The following OSBPL5 variants were observed in gnomAD, a reference collection of about 807,000 sequenced individuals.
OSBPL5 encodes the protein oxysterol-binding protein-related protein 5.
Under a neutral mutation model 111.2 loss-of-function variants are expected in OSBPL5, and 71 were observed. The observed-to-expected ratio is 0.64, with a 90% CI of 0.53 to 0.78. The LOEUF is 0.78. OSBPL5 is among the 30% of genes least tolerant of loss of function. The pLI is 0.00. For missense variants in OSBPL5, 1,210 were observed against 1,189.3 expected, an observed-to-expected ratio of 1.02 and a Z score of -0.26; for synonymous variants, 549 against 513.9, an observed-to-expected ratio of 1.07 and a Z score of -0.93.
intron 1 of OSBPL5, among the ~76,000 whole-genome samples, chr11:3,151,846 C>CACCTTCTCCTGCCTCCCTGGGGT (rs1846602213): frequency 6.6e-6 from 1 of 152,188 alleles, no homozygotes; most frequent in Non-Finnish European, 1.5e-5. Context: ...CTCCCTGGGG[C>CACCTTCTCCTGCCTCCCTGGGGT]GGGCTTTGCA....
At chr11:3,122,305 T>C (rs1858447527) in intron 4 of OSBPL5, 43 bp downstream of exon 4, 1 of 1,591,428 alleles carries the variant, frequency 6.3e-7, no homozygotes, top group Non-Finnish European at 8.6e-7. Flanking sequence ...TGGCCGTCGG[T>C]CTGACAGTGA....
At chr11:3,137,949 G>T (rs79232184) in intron 1 of OSBPL5, among the ~76,000 whole-genome samples, 1 of 152,230 alleles carries the variant, frequency 6.6e-6, no homozygotes, top group South Asian at 2.1e-4. Context: ...TGGAGCTGAG[G>T]GGGAGGCCAG....
chr11:3,094,116 G>T, intron 15 of OSBPL5, 121 bp downstream of exon 15: 1 of 950,700 alleles, frequency 1.1e-6, no homozygotes, highest in Non-Finnish European at 1.6e-6. Context: ...GTCAACAGCT[G>T]CTCCCCTTAT....
In OSBPL5 at chr11:3,146,713, G is replaced by C. The variant is rs1846360945; in HGVS notation, c.-21-17544C>G. The C allele has an allele frequency of 6.6e-6, 1 of 152,426 alleles. No individual in the cohort carries two copies. The highest frequency in any genetic ancestry group is 1.5e-5 in the Non-Finnish European group (1 of 68,242). 9.4% of individuals were successfully genotyped at this position (152,426 alleles called of 1,614,324 possible). A position where few individuals can be genotyped will look rare whatever the true frequency, so the allele number is the denominator to read the frequency against. On this transcript the variant is annotated intron_variant, in intron 1 of 21. Transcript: ENST00000263650. This position sits in a 1 kb window ranked among gnomAD's most constrained non-coding sequence, Gnocchi z 7.8. The stretch of plus-strand genomic sequence containing the variant: ...CAGGCTGCAGGCTTCTCTCTGGGGA[G>C]GGGGACAATCCTGGGGCCCCTCTGG...
At chr11:3,163,508 C>T (rs1847023731) in intron 1 of OSBPL5, among the ~76,000 whole-genome samples, 1 of 111,212 alleles carries the variant, frequency 9.0e-6, no homozygotes, top group Non-Finnish European at 1.7e-5. Context: ...ATAGTAAATA[C>T]AATCCTGGGT....
rs3741355 is a variant in OSBPL5 at position 3,107,150 on chromosome 11, T to C, written c.1059+113A>G. ...ACTGCCAAGTGATGGGGACAAAAGC[T>C]ACCCCCTGGGCCCTGCGTGCTCCCC... is the stretch of plus-strand genomic sequence containing the variant. On this transcript the variant is annotated intron_variant, in intron 9 of 21. Coordinates refer to ENST00000263650, the MANE Select transcript of OSBPL5 (RefSeq NM_020896.4). The surrounding 1 kb of genome is among the most constrained non-coding windows in gnomAD (Gnocchi z 6.1). The C allele has an allele frequency of 0.88, 1,061,544 of 1,199,594 alleles. 470,012 individuals carry two copies. Among genetic ancestry groups the C allele is most frequent in the Admixed American group, 0.93 (35,150 of 37,802 alleles). The allele number at this position is 1,199,594 out of a possible 1,614,324, so 74.3% of individuals were successfully genotyped here.
chr11:3,100,046 C>T, intron 14 of OSBPL5, 112 bp downstream of exon 14: 1 of 763,178 alleles, frequency 1.3e-6, no homozygotes. Flanking sequence ...AAGTCATGGG[C>T]AGATGAAGGC....
Position 3,102,246 on chromosome 11 carries a change from C to T in OSBPL5, c.1362G>A (p.Glu454=). Reference sequence around the variant, plus strand: ...GGTGGAACCAGCAGCAGCGGAAGGTCTCCCCCAGGATGGGGTTGTACGGCT... The same window carrying T: ...GGTGGAACCAGCAGCAGCGGAAGGTTTCCCCCAGGATGGGGTTGTACGGCT... ...IKKPYNPILG[E]TFRCCWFHPQ... The change falls in exon 12 of 22, where the codon GAG becomes GAA. Residue 454 remains glutamate (E), a synonymous_variant. Coordinates refer to ENST00000263650, the MANE Select transcript of OSBPL5 (RefSeq NM_020896.4). The T allele has an allele frequency of 6.2e-7, 1 of 1,608,234 alleles. No homozygotes were observed. Among genetic ancestry groups the T allele is most frequent in the East Asian group, 2.2e-5 (1 of 44,654 alleles).
chr11:3,103,819 C>CCGCCCCCTTCCAGCCTCT (rs1564830449), intron 10 of OSBPL5, among the ~76,000 whole-genome samples: 1 of 44,010 alleles, frequency 2.3e-5, no homozygotes, highest in African/African-American at 5.2e-5. Context: ...TTCCTGCCTG[C>CCGCCCCCTTCCAGCCTCT]GCAGCCCCCT....
chr11:3,132,081 C>T (rs1357847209), intron 1 of OSBPL5, among the ~76,000 whole-genome samples: 1 of 150,952 alleles, frequency 6.6e-6, no homozygotes, highest in African/African-American at 2.4e-5. Flanking sequence ...TCTATCCCTC[C>T]TTGAAGCTCT....
At chr11:3,152,608 G>C (rs1205243037) in intron 1 of OSBPL5, among the ~76,000 whole-genome samples, 1 of 152,216 alleles carries the variant, frequency 6.6e-6, no homozygotes, top group Non-Finnish European at 1.5e-5. Context: ...TGCGAGGCGC[G>C]ATGGGCTCGG....
At chr11:3,138,621 G>A (rs982464941) in intron 1 of OSBPL5, among the ~76,000 whole-genome samples, 9 of 152,208 alleles carry the variant, frequency 5.9e-5, no homozygotes, top group Admixed American at 3.9e-4. Context: ...CTCGCCTGCC[G>A]TGCTGTGGGG....
rs1274612321 is a variant in OSBPL5 at position 3,130,353 on chromosome 11, C to G, written c.-21-1184G>C. The stretch of plus-strand genomic sequence containing the variant: ...CTGCCTCAGGGCAGGCCAGTGGCAT[C>G]CTGCCAAGCCCGGGACAAAGGCCTC... On this transcript the variant is annotated intron_variant, in intron 1 of 21. Coordinates refer to ENST00000263650, the MANE Select transcript of OSBPL5 (RefSeq NM_020896.4). The surrounding 1 kb of genome is among the most constrained non-coding windows in gnomAD (Gnocchi z 4.5). Among the ~76,000 whole-genome samples, 1 of 152,260 alleles carries G rather than the reference C, an allele frequency of 6.6e-6. No homozygotes were observed. The highest frequency in any genetic ancestry group is 1.5e-5 in the Non-Finnish European group (1 of 68,050).
chr11:3,107,554 T>C lies in OSBPL5; in HGVS notation c.867-99A>G, dbSNP rs867603545. ...CTCGCTGCTCCGCACTTCACATACG[T>C]TCCTGCCTGTCGTCACCTCCACAAC... On this transcript the variant is annotated intron_variant, in intron 8 of 21. Transcript: ENST00000263650. This position sits in a 1 kb window ranked among gnomAD's most constrained non-coding sequence, Gnocchi z 6.1. The C allele has an allele frequency of 6.1e-5, 87 of 1,427,854 alleles. No individual in the cohort carries two copies. In the Middle Eastern group the frequency reaches 2.3e-3, roughly 38 times the overall value. 88.4% of individuals were successfully genotyped at this position (1,427,854 alleles called of 1,614,324 possible). A position where few individuals can be genotyped will look rare whatever the true frequency, so the allele number is the denominator to read the frequency against.
Position 3,120,499 on chromosome 11 carries a change from G to A in OSBPL5, c.528C>T (p.Leu176=), listed in dbSNP as rs1486760497. ...CGTCCTTCTTGGAGGGCCGCTCGAT[G>A]AGCTCGCAGCAGTGCAGCAGCACCG... ...VGTVLLHCCE[L]IERPSKKDGF... The change falls in exon 6 of 22, where the codon CTC becomes CTT. Residue 176 remains leucine (L), a synonymous_variant. Transcript: ENST00000263650. The A allele has an allele frequency of 1.2e-6, 2 of 1,613,252 alleles. No individual in the cohort carries two copies. Among genetic ancestry groups the A allele is most frequent in the Admixed American group, 3.3e-5 (2 of 60,012 alleles).
intron 1 of OSBPL5, among the ~76,000 whole-genome samples, chr11:3,155,886 G>C (rs1422431127): frequency 6.6e-6 from 1 of 152,256 alleles, no homozygotes; most frequent in Non-Finnish European, 1.5e-5. Flanking sequence ...GCTGTGAGCA[G>C]ACCTGCAGAA....
Position 3,094,553 on chromosome 11 carries a change from GCGGAGCCTGGGAGGCA to G in OSBPL5, c.1622-235_1622-220del, listed in dbSNP as rs748073089. ...GGTGGGGGTGCGGAGCCTGGGAGGT[GCGGAGCCTGGGAGGCA>G]CGGAGCCTGGGAGGCACGCCTGGTC... On this transcript the variant is annotated intron_variant, in intron 14 of 21. Transcript: ENST00000263650. The G allele has an allele frequency of 6.3e-3, 1,893 of 302,408 alleles. 4 individuals are homozygous for G. Among genetic ancestry groups the G allele is most frequent in the South Asian group, 0.016 (308 of 19,752 alleles). The allele number at this position is 302,408 out of a possible 1,614,324, so 18.7% of individuals were successfully genotyped here.
rs1858415127 is a variant in OSBPL5 at position 3,121,475 on chromosome 11, C to T, written c.402+522G>A. Among the ~76,000 whole-genome samples, 1 of 152,056 alleles carries T rather than the reference C, an allele frequency of 6.6e-6. No individual in the cohort carries two copies. Among genetic ancestry groups the T allele is most frequent in the Non-Finnish European group, 1.5e-5 (1 of 68,020 alleles). ...GCGGGTAGAAGGAGCCTACATGGGC[C>T]TGGGCTCTGCAGACACCAGGGCTGG... On this transcript the variant is annotated intron_variant, in intron 5 of 21. Coordinates refer to ENST00000263650, the MANE Select transcript of OSBPL5 (RefSeq NM_020896.4). The surrounding 1 kb of genome is among the most constrained non-coding windows in gnomAD (Gnocchi z 4.3).
intron 14 of OSBPL5, chr11:3,094,558 G>C (rs1466255069): frequency 1.9e-6 from 1 of 520,132 alleles, no homozygotes; most frequent in African/African-American, 2.0e-5. Context: ...GAGGTGCGGA[G>C]CCTGGGAGGC....
Sources: allele counts gnomAD v4.1 joint callset (sites outside exome capture counted in the v4.1 genomes callset), GRCh38; gene constraint gnomAD v4.1.1; non-coding constraint Gnocchi (gnomAD v3.1); transcripts MANE v1.5; gene names NCBI Gene and HGNC (gene_info 2026-07-23, HGNC 2026-07-21).